The following CBX1 variants were observed in gnomAD, a reference collection of about 807,000 sequenced individuals.
CBX1 encodes chromobox protein homolog 1.
A neutral mutation model predicts 25.1 loss-of-function variants in CBX1; 10 were observed. The observed-to-expected ratio is 0.40, with a 90% CI of 0.25 to 0.68. The LOEUF (loss-of-function observed/expected upper bound fraction) is 0.68. Ranked by LOEUF, CBX1 falls within the 30% of genes least tolerant of loss-of-function variation. The pLI, the probability that CBX1 is intolerant of heterozygous loss-of-function variation, is 0.40. For synonymous variants in CBX1, 63 were observed against 79.4 expected (o/e 0.79, Z 1.10); for missense variants, 106 against 218.5 (o/e 0.49, Z 3.25).
intron 1 of CBX1, among the ~76,000 whole-genome samples, chr17:48,077,450 TTTTG>T (rs1394636423): frequency 3.7e-5 from 4 of 109,018 alleles, no homozygotes; most frequent in Non-Finnish European, 6.2e-5. Flanking sequence ...TTTTTGTTTT[TTTTG>T]TTTTTTTTTT....
At chr17:48,076,758 T>C (rs2037678533) in intron 2 of CBX1, 107 bp downstream of exon 2, 2 of 930,292 alleles carry the variant, frequency 2.1e-6, no homozygotes, top group East Asian at 2.6e-5. Context: ...GCCATGAAGG[T>C]GGGGACTGAG....
At chr17:48,081,858 CAG>C (rs1339957921) in intron 1 of CBX1, among the ~76,000 whole-genome samples, 2 of 152,188 alleles carry the variant, frequency 1.3e-5, no homozygotes, top group African/African-American at 4.8e-5. Context: ...CATCTACATC[CAG>C]AGATACTGTA....
chr17:48,099,028 G>A (rs2063391926), intron 1 of CBX1, among the ~76,000 whole-genome samples: 1 of 152,284 alleles, frequency 6.6e-6, no homozygotes, highest in Middle Eastern at 3.4e-3. Context: ...GAAGACCAGG[G>A]TAACTTACTT....
At chr17:48,076,236 A>G in intron 2 of CBX1, 58 bp from the exon 3 acceptor site, 4 of 1,310,408 alleles carry the variant, frequency 3.1e-6, no homozygotes, top group Non-Finnish European at 4.1e-6. Context: ...ACTCATACTA[A>G]GGATAATCGT....
At chr17:48,079,116 TC>T (rs1399253492) in intron 1 of CBX1, among the ~76,000 whole-genome samples, 9 of 140,822 alleles carry the variant, frequency 6.4e-5, no homozygotes. Context: ...GCCCCGCACC[TC>T]CCCCTCTTTG....
At chr17:48,093,606 T>A (rs892099076) in intron 1 of CBX1, among the ~76,000 whole-genome samples, 4 of 152,214 alleles carry the variant, frequency 2.6e-5, no homozygotes, top group African/African-American at 9.7e-5. Flanking sequence ...GGGCTGGAGC[T>A]GACTGAATAG....
intron 1 of CBX1, among the ~76,000 whole-genome samples, chr17:48,099,263 C>G (rs906214908): frequency 6.6e-6 from 1 of 152,110 alleles, no homozygotes; most frequent in African/African-American, 2.4e-5. Context: ...CCACTAGGCC[C>G]AGCTAATTTT....
Position 48,071,413 on chromosome 17 carries a change from C to T in CBX1, c.*22G>A. 1 of 1,587,596 alleles carries T rather than the reference C, an allele frequency of 6.3e-7. No homozygotes were observed. Among genetic ancestry groups the T allele is most frequent in the Non-Finnish European group, 8.6e-7 (1 of 1,167,728 alleles). On this transcript the variant is annotated 3_prime_UTR_variant, in exon 5 of 5. Coordinates refer to ENST00000225603, the MANE Select transcript of CBX1 (RefSeq NM_001127228.2). ...ACTTGAAACCCACAGTCAGATGTGA[C>T]AGGGGCTGGTACTCAGGAGCGTTAG...
At chr17:48,076,820 G>C in intron 2 of CBX1, 45 bp downstream of exon 2, 1 of 1,575,446 alleles carries the variant, frequency 6.3e-7, no homozygotes, top group Non-Finnish European at 8.6e-7. Context: ...CTAGACTCCT[G>C]ATAAACACGT....
intron 1 of CBX1, among the ~76,000 whole-genome samples, chr17:48,092,345 C>T (rs2063349078): frequency 6.6e-6 from 1 of 151,790 alleles, no homozygotes; most frequent in East Asian, 2.0e-4. Context: ...TAGCGAGGCA[C>T]TGTGGCTCAC....
chr17:48,071,376 C>A lies in CBX1; in HGVS notation c.*59G>T. The A allele has an allele frequency of 7.9e-6, 12 of 1,524,626 alleles. No homozygotes were observed. Among genetic ancestry groups the A allele is most frequent in the South Asian group, 2.5e-5 (2 of 79,336 alleles). 94.4% of individuals were successfully genotyped at this position (1,524,626 alleles called of 1,614,324 possible). A position where few individuals can be genotyped will look rare whatever the true frequency, so the allele number is the denominator to read the frequency against. On this transcript the variant is annotated 3_prime_UTR_variant, in exon 5 of 5. Transcript: ENST00000225603. ...CTATGGTGTCAAGACAAGTAGAACT[C>A]CTTCCCTTCCCACTTGAAACCCACA...
chr17:48,073,824 CAAAA>C lies in CBX1; in HGVS notation c.413+1178_413+1181del, dbSNP rs60857566. On this transcript the variant is annotated intron_variant, in intron 4 of 4. Transcript: ENST00000225603. ...CCTGGGCGAAAGAGTGAGACTGTCTCAAAAAAAAAAAAAAAAAAAAAGACAGTAG... is the reference window on the plus strand; with the variant it reads ...CCTGGGCGAAAGAGTGAGACTGTCTCAAAAAAAAAAAAAAAAAGACAGTAG... Among the ~76,000 whole-genome samples, 236 of 82,482 alleles carry C rather than the reference CAAAA, an allele frequency of 2.9e-3. 7 individuals carry two copies. The highest frequency in any genetic ancestry group is 4.3e-3 in the Non-Finnish European group (192 of 44,602). 54.1% of individuals were successfully genotyped at this position (82,482 alleles called of 152,430 possible).
intron 1 of CBX1, among the ~76,000 whole-genome samples, chr17:48,084,304 C>T (rs2037767397): frequency 7.7e-6 from 1 of 130,122 alleles, no homozygotes; most frequent in Non-Finnish European, 1.5e-5. Context: ...ACCTCCGCCT[C>T]CAGAGTTCAA....
intron 1 of CBX1, among the ~76,000 whole-genome samples, chr17:48,090,779 G>T (rs76573490): frequency 6.6e-6 from 1 of 152,274 alleles, no homozygotes; most frequent in Non-Finnish European, 1.5e-5. Flanking sequence ...CCCCAGACTG[G>T]GTTAACTCTG....
intron 1 of CBX1, among the ~76,000 whole-genome samples, chr17:48,080,065 C>G (rs1486195223): frequency 6.6e-6 from 1 of 152,024 alleles, no homozygotes; most frequent in Non-Finnish European, 1.5e-5. Flanking sequence ...GGGAGGGGGA[C>G]ACAGTCTCCC....
At chr17:48,090,302 G>A (rs2063337780) in intron 1 of CBX1, among the ~76,000 whole-genome samples, 1 of 152,224 alleles carries the variant, frequency 6.6e-6, no homozygotes, top group African/African-American at 2.4e-5. Flanking sequence ...TTTGAAGATT[G>A]TGATTTCAAC....
chr17:48,093,382 A>G (rs2063355282), intron 1 of CBX1, among the ~76,000 whole-genome samples: 1 of 152,194 alleles, frequency 6.6e-6, no homozygotes, highest in African/African-American at 2.4e-5. Flanking sequence ...AATGGCAAGC[A>G]TACATAATTA....
intron 1 of CBX1, chr17:48,088,310 G>GAAAAA (rs111442783): frequency 7.9e-6 from 1 of 126,158 alleles, no homozygotes; most frequent in African/African-American, 2.9e-5. Context: ...GCCTCCGTCT[G>GAAAAA]AAAAAAAAAA....
chr17:48,093,507 T>C (rs907394733), intron 1 of CBX1, among the ~76,000 whole-genome samples: 1 of 152,184 alleles, frequency 6.6e-6, no homozygotes, highest in African/African-American at 2.4e-5. Context: ...AACCAGGCTT[T>C]ACTAGCATTT....
Sources: gnomAD v4.1 joint callset for allele counts (sites outside exome capture counted in the v4.1 genomes callset) on GRCh38, gnomAD v4.1.1 for gene constraint, MANE v1.5 for transcripts, NCBI Gene and HGNC (gene_info 2026-07-23, HGNC 2026-07-21) for gene names.